The following PIAS1 variants were observed in gnomAD, a reference collection of about 807,000 sequenced individuals.
PIAS1 encodes the protein protein inhibitor of activated STAT 1, also known as E3 SUMO-protein ligase PIAS1.
Under a neutral mutation model 71.3 loss-of-function variants are expected in PIAS1, and 6 were observed. The ratio of observed to expected loss-of-function variants is 0.08; its 90% confidence interval spans 0.05 to 0.17. The LOEUF (loss-of-function observed/expected upper bound fraction) is 0.17. PIAS1 is among the 10% of genes least tolerant of loss of function. The pLI is 1.00. For missense variants in PIAS1, 555 were observed against 793.6 expected (o/e 0.70, Z 3.61); for synonymous variants, 303 against 292.9 (o/e 1.03, Z -0.35).
rs987171909 is a variant in PIAS1, at chr15:68,185,307, G to A, written c.1662+1640G>A. The stretch of plus-strand genomic sequence containing the variant: ...TGACTGCATCAAGAACCTTGCTTGG[G>A]CATGGACTGATGTCACCAAGGAGTA... On this transcript the variant is annotated intron_variant, in intron 13 of 13. Coordinates refer to ENST00000249636, the MANE Select transcript of PIAS1 (RefSeq NM_016166.3). This position sits in a 1 kb window ranked among gnomAD's most constrained non-coding sequence, Gnocchi z 4.4. Among the ~76,000 whole-genome samples the A allele has an allele frequency of 2.6e-5, 4 of 152,072 alleles. No individual in the cohort carries two copies. Among genetic ancestry groups the A allele is most frequent in the African/African-American group, 4.8e-5 (2 of 41,424 alleles).
intron 2 of PIAS1, among the ~76,000 whole-genome samples, chr15:68,138,227 T>A (rs2092747073): frequency 6.6e-6 from 1 of 152,168 alleles, no homozygotes; most frequent in Non-Finnish European, 1.5e-5. Flanking sequence ...AGACTGTGAC[T>A]CTGCTATATG....
intron 1 of PIAS1, chr15:68,055,384 C>G (rs1477765266): frequency 5.7e-6 from 1 of 176,914 alleles, no homozygotes; most frequent in Non-Finnish European, 1.1e-5. Flanking sequence ...TCACGCCTCA[C>G]GAAATTAGAT....
intron 2 of PIAS1, among the ~76,000 whole-genome samples, chr15:68,123,983 T>TACACACAC (rs10624056): frequency 2.4e-4 from 37 of 151,186 alleles, no homozygotes; most frequent in South Asian, 4.2e-4. Flanking sequence ...TGTGTGAATA[T>TACACACAC]ACACACACAC....
In PIAS1 at chr15:68,188,534, A is replaced by C. The variant is rs2093102606; in HGVS notation, c.*699A>C. The C allele has an allele frequency of 6.6e-6, 1 of 152,164 alleles. No homozygotes were observed. Among genetic ancestry groups the C allele is most frequent in the South Asian group, 2.1e-4 (1 of 4,824 alleles). 9.4% of individuals were successfully genotyped at this position (152,164 alleles called of 1,614,324 possible). A position where few individuals can be genotyped will look rare whatever the true frequency, so the allele number is the denominator to read the frequency against. Reference sequence around the variant, plus strand: ...TGCTTGCTTCTTTCAAAGTGCTTTGAAGGTCTTGAACTCACGTGTGAGCAT... The same window carrying C: ...TGCTTGCTTCTTTCAAAGTGCTTTGCAGGTCTTGAACTCACGTGTGAGCAT... On this transcript the variant is annotated 3_prime_UTR_variant, in exon 14 of 14. Coordinates refer to ENST00000249636, the MANE Select transcript of PIAS1 (RefSeq NM_016166.3).
chr15:68,070,661 C>T (rs1345426632), intron 1 of PIAS1, among the ~76,000 whole-genome samples: 1 of 151,494 alleles, frequency 6.6e-6, no homozygotes, highest in East Asian at 1.9e-4. Flanking sequence ...TACTGGATTT[C>T]GAAGACATAG....
At chr15:68,075,135 A>G (rs768210702) in intron 1 of PIAS1, among the ~76,000 whole-genome samples, 1 of 117,570 alleles carries the variant, frequency 8.5e-6, no homozygotes, top group South Asian at 2.7e-4. Flanking sequence ...CCCAGGCTGG[A>G]GCGAAGTGGC....
Position 68,179,766 on chromosome 15 carries a change from C to T in PIAS1, c.1482-1446C>T, listed in dbSNP as rs1238611695. ...AATTTTTTGTATTTTTTAGTAGAGA[C>T]AGGGTTTCTCCCTGTTGGTGAGGCT... On this transcript the variant is annotated intron_variant, in intron 11 of 13. Transcript: ENST00000249636. 4.0e-5 allele frequency among the ~76,000 whole-genome samples: 6 copies of T among 151,166 alleles called. No homozygotes were observed. The East Asian group carries it at 1.2e-3, about 30-fold the overall frequency.
rs2092287640 is a variant in PIAS1 at position 68,086,840 on chromosome 15, T to C, written c.469+90T>C. ...CTTTGACCCAGTTTATTATTCATAA[T>C]GAAATTTTCATTTGATAGTAACAGC... On this transcript the variant is annotated intron_variant, in intron 2 of 13. Transcript: ENST00000249636. This position sits in a 1 kb window ranked among gnomAD's most constrained non-coding sequence, Gnocchi z 7.2. 2.9e-6 allele frequency: 2 copies of C among 695,636 alleles called. No individual in the cohort carries two copies. The highest frequency in any genetic ancestry group is 5.8e-5 in the Admixed American group (2 of 34,626). The allele number at this position is 695,636 out of a possible 1,614,324, so 43.1% of individuals were successfully genotyped here. A position where few individuals can be genotyped will look rare whatever the true frequency, so the allele number is the denominator to read the frequency against.
At position 68,191,287 on chromosome 15, in the gene PIAS1, A is replaced by G. The variant is rs963361439; in HGVS notation, c.*3452A>G. ...AAACTTTCTCTCTTAGAATTTCCAT[A>G]CCGCATGCCAAACCAGTAAAATGGC... On this transcript the variant is annotated 3_prime_UTR_variant, in exon 14 of 14. Transcript: ENST00000249636. 1.3e-5 allele frequency: 2 copies of G among 152,678 alleles called. No individual in the cohort carries two copies. The highest frequency in any genetic ancestry group is 2.4e-5 in the African/African-American group (1 of 41,472). The allele number at this position is 152,678 out of a possible 1,614,324, so 9.5% of individuals were successfully genotyped here. A position where few individuals can be genotyped will look rare whatever the true frequency, so the allele number is the denominator to read the frequency against.
chr15:68,187,677 T>G lies in PIAS1; in HGVS notation c.1798T>G (p.Ser600Ala), dbSNP rs1197305436. 1 of 1,613,840 alleles carries G rather than the reference T, an allele frequency of 6.2e-7. No homozygotes were observed. The change falls in exon 14 of 14, where the codon TCT becomes GCT. Residue 600 changes from serine (S) to alanine (A), a missense_variant. Ser to Ala is a moderately conservative substitution (Grantham distance 99). This residue lies in a region of PIAS1 where 244 missense variants were observed against 307.5 expected (regional missense o/e 0.79). Transcript: ENST00000249636. This position sits in a 1 kb window ranked among gnomAD's most constrained non-coding sequence, Gnocchi z 5.3. ...TCAGTTAAGTGCAGGAGGCAGTACT[T>G]CTCTGCCAACCACCAATGGAAGCAG... ...LDQLSAGGSTSLPTTNGSSSG... is the reference protein window; with the variant it reads ...LDQLSAGGSTALPTTNGSSSG...
intron 2 of PIAS1, among the ~76,000 whole-genome samples, chr15:68,119,237 C>CAA (rs60879036): frequency 0.42 from 11,354 of 27,222 alleles, 4,803 homozygotes; most frequent in Non-Finnish European, 0.49. Flanking sequence ...CCATCTCTAC[C>CAA]AAAAAAAAAA....
Position 68,129,074 on chromosome 15 carries a change from A to G in PIAS1, c.470-12872A>G, listed in dbSNP as rs950453342. Among the ~76,000 whole-genome samples, 5 of 152,184 alleles carry G rather than the reference A, an allele frequency of 3.3e-5. No individual in the cohort carries two copies. In the South Asian group the frequency reaches 6.2e-4, roughly 19 times the overall value. ...ATATTAGAGGATACAGTGTATTACT[A>G]TTTTTTAGAGACAGGGTCTCTCTGT... On this transcript the variant is annotated intron_variant, in intron 2 of 13. Transcript: ENST00000249636.
Position 68,188,421 on chromosome 15 carries a change from T to C in PIAS1, c.*586T>C. ...ATTTTCAGGACATGGCTCGTGGGTG[T>C]GTGTGTTCATTGTGTGCGTCTGTAT... On this transcript the variant is annotated 3_prime_UTR_variant, in exon 14 of 14. Coordinates refer to ENST00000249636, the MANE Select transcript of PIAS1 (RefSeq NM_016166.3). 6.5e-6 allele frequency: 1 copy of C among 153,532 alleles called. No individual in the cohort carries two copies. The highest frequency in any genetic ancestry group is 1.5e-5 in the Non-Finnish European group (1 of 68,880). The allele number at this position is 153,532 out of a possible 1,614,324, so 9.5% of individuals were successfully genotyped here.
At chr15:68,148,647 T>C (rs948342316) in intron 6 of PIAS1, among the ~76,000 whole-genome samples, 2 of 152,214 alleles carry the variant, frequency 1.3e-5, no homozygotes, top group Non-Finnish European at 2.9e-5. Flanking sequence ...CAGGCTGGTC[T>C]TGAACTCCTG....
At chr15:68,182,345 G>T (rs913692250) in intron 12 of PIAS1, among the ~76,000 whole-genome samples, 1 of 150,824 alleles carries the variant, frequency 6.6e-6, no homozygotes, top group Non-Finnish European at 1.5e-5. Context: ...TATGCTCATT[G>T]TAGAAAATTC....
In PIAS1 at chr15:68,189,152, C is replaced by T. The variant is rs888648080; in HGVS notation, c.*1317C>T. ...TTTAGAATTCATGGATCAGTCTGAT[C>T]TACTCTTATTCATAATGGAACATGT... On this transcript the variant is annotated 3_prime_UTR_variant, in exon 14 of 14. Transcript: ENST00000249636. 2 of 151,992 alleles carry T rather than the reference C, an allele frequency of 1.3e-5. No individual in the cohort carries two copies. Among genetic ancestry groups the T allele is most frequent in the African/African-American group, 4.8e-5 (2 of 41,352 alleles). 9.4% of individuals were successfully genotyped at this position (151,992 alleles called of 1,614,324 possible).
At position 68,144,985 on chromosome 15, in the gene PIAS1, A is replaced by G. The variant is rs144768208; in HGVS notation, c.603-831A>G. 2.5e-4 allele frequency among the ~76,000 whole-genome samples: 38 copies of G among 152,246 alleles called. No homozygotes were observed. In the East Asian group the frequency reaches 5.6e-3, roughly 22 times the overall value. On this transcript the variant is annotated intron_variant, in intron 4 of 13. Transcript: ENST00000249636. ...TTTCGGAGATAGGGTTCTCCCTACT[A>G]TGTAACTCAGGGGTGCTATTAGCAT...
chr15:68,102,973 G>A (rs367687670), intron 2 of PIAS1, among the ~76,000 whole-genome samples: 3 of 152,020 alleles, frequency 2.0e-5, no homozygotes, highest in South Asian at 4.2e-4. Flanking sequence ...TGTTGCCCAG[G>A]CTGGAGTATA....
At chr15:68,163,342 T>TG (rs1488355187) in intron 7 of PIAS1, among the ~76,000 whole-genome samples, 1 of 152,200 alleles carries the variant, frequency 6.6e-6, no homozygotes, top group Non-Finnish European at 1.5e-5. Flanking sequence ...AACCAGAAGT[T>TG]GTATGCCTTT....
Sources: gnomAD v4.1 joint callset for allele counts (sites outside exome capture counted in the v4.1 genomes callset) on GRCh38, gnomAD v4.1.1 for gene constraint, gnomAD v4.1.1 regional missense constraint, Gnocchi (gnomAD v3.1) non-coding constraint, MANE v1.5 for transcripts, NCBI Gene and HGNC (gene_info 2026-07-23, HGNC 2026-07-21) for gene names.